Variants in TEX9 observed in about 807,000 individuals in gnomAD.
TEX9 encodes testis-expressed protein 9.
In TEX9, 74 loss-of-function variants were observed where a neutral mutation model predicts 59.6. The observed-to-expected ratio is 1.24, with a 90% CI of 1.03 to 1.51. The LOEUF (loss-of-function observed/expected upper bound fraction) is 1.51. TEX9 is among the 40% of genes most tolerant of loss of function. TEX9 has a pLI of 0.00. For synonymous variants in TEX9, 186 were observed against 152.2 expected, an observed-to-expected ratio of 1.22 and a Z score of -1.64; for missense variants, 522 against 447.8, an observed-to-expected ratio of 1.17 and a Z score of -1.49.
intron 1 of TEX9, among the ~76,000 whole-genome samples, chr15:56,260,232 C>A (rs969117716): frequency 2.6e-5 from 4 of 152,000 alleles, no homozygotes; most frequent in Non-Finnish European, 5.9e-5. Flanking sequence ...TTCTTTCATG[C>A]CTTGTGGCAC....
At position 56,316,472 on chromosome 15, in the gene TEX9, G is replaced by A. The variant is rs1187897857; in HGVS notation, c.-106-56969G>A. 2.0e-5 allele frequency among the ~76,000 whole-genome samples: 3 copies of A among 149,796 alleles called. No homozygotes were observed. In the Admixed American group the frequency reaches 2.0e-4, roughly 10 times the overall value. The stretch of plus-strand genomic sequence containing the variant: ...CCAGTTAGGCTGCTCGGGGGTCAGG[G>A]GTCAGGGACCCACTTGAGGAGGCAG... On this transcript the variant is annotated intron_variant, in intron 1 of 5. Coordinates refer to the TEX9 transcript ENST00000560827.
At chr15:56,350,390 A>G (rs962242678) in intron 1 of TEX9, among the ~76,000 whole-genome samples, 1 of 152,190 alleles carries the variant, frequency 6.6e-6, no homozygotes, top group Non-Finnish European at 1.5e-5. Flanking sequence ...CTGGATTCCT[A>G]TTAAGGATTC....
At chr15:56,447,036 CAA>C (rs75441720), downstream of TEX9, 50,611 of 819,696 alleles carry the variant, frequency 0.062, 5,224 homozygotes, top group East Asian at 0.4. Context: ...TTAATTTACT[CAA>C]AGAGGGAATA....
At chr15:56,363,081 G>T (rs1160776302), upstream of TEX9, among the ~76,000 whole-genome samples, 1 of 152,092 alleles carries the variant, frequency 6.6e-6, no homozygotes, top group African/African-American at 2.4e-5. Context: ...TTTCATGTGG[G>T]TGTGTTTTCA....
chr15:56,395,751 T>A (rs2048439430), intron 9 of TEX9: 1 of 152,238 alleles, frequency 6.6e-6, no homozygotes, highest in South Asian at 2.1e-4. Flanking sequence ...CATGTGCTTA[T>A]TGGCATTTGT....
intron 12 of TEX9, chr15:56,431,383 T>C (rs751782350): frequency 8.7e-6 from 14 of 1,611,718 alleles, no homozygotes; most frequent in Admixed American, 5.0e-5. Flanking sequence ...TTTAGGGAGA[T>C]AGCCTAGTAA....
chr15:56,343,644 A>G (rs1259548104), intron 1 of TEX9, among the ~76,000 whole-genome samples: 2 of 152,146 alleles, frequency 1.3e-5, no homozygotes, highest in Non-Finnish European at 2.9e-5. Flanking sequence ...TTTAGATGAA[A>G]TGAACTGACA....
At chr15:56,344,463 G>A (rs1337613613) in intron 1 of TEX9, among the ~76,000 whole-genome samples, 4 of 152,060 alleles carry the variant, frequency 2.6e-5, no homozygotes, top group Admixed American at 1.3e-4. Flanking sequence ...TCCAGAATAG[G>A]CAAATCCATA....
Position 56,425,029 on chromosome 15 carries a change from AG to A in TEX9, c.964-2574del, listed in dbSNP as rs577855550. Among the ~76,000 whole-genome samples the A allele has an allele frequency of 4.4e-3, 676 of 152,158 alleles. 5 individuals are homozygous for A. Among genetic ancestry groups the A allele is most frequent in the African/African-American group, 0.016 (654 of 41,512 alleles). ...ACTTTGCTGGATGTAGTATTCTTCTAGGTTTTTTTCTTTCAGCCCTTTAAAT... is the reference window on the plus strand; with the variant it reads ...ACTTTGCTGGATGTAGTATTCTTCTAGTTTTTTTCTTTCAGCCCTTTAAAT... On this transcript the variant is annotated intron_variant, in intron 10 of 12. Coordinates refer to ENST00000352903, the Ensembl canonical transcript of TEX9.
exon 4 of TEX9, chr15:56,383,958 C>A (rs748173177): frequency 6.2e-7 from 1 of 1,609,342 alleles, no homozygotes; most frequent in Non-Finnish European, 8.5e-7. Context: ...TAAGAGAGAT[C>A]GGCAAGAAGT....
At chr15:56,328,180 A>G (rs1291211139) in intron 1 of TEX9, among the ~76,000 whole-genome samples, 1 of 151,790 alleles carries the variant, frequency 6.6e-6, no homozygotes, top group East Asian at 2.0e-4. Flanking sequence ...GGGCAGAGTC[A>G]TGAGGTCCCA....
intron 10 of TEX9, among the ~76,000 whole-genome samples, chr15:56,426,607 A>ATG: frequency 2.5e-5 from 1 of 39,914 alleles, no homozygotes; most frequent in Non-Finnish European, 5.7e-5. Context: ...ATATATATAT[A>ATG]TATATATATA....
chr15:56,251,036 T>G (rs150557710), intron 1 of TEX9, among the ~76,000 whole-genome samples: 10 of 152,326 alleles, frequency 6.6e-5, no homozygotes, highest in African/African-American at 1.9e-4. Flanking sequence ...TGGATTTTCT[T>G]TATGTGGATC....
chr15:56,261,373 A>C (rs2141346910), intron 1 of TEX9, among the ~76,000 whole-genome samples: 1 of 152,060 alleles, frequency 6.6e-6, no homozygotes, highest in East Asian at 1.9e-4. Context: ...GAATTAAAAA[A>C]ATCCAATCAG....
intron 1 of TEX9, among the ~76,000 whole-genome samples, chr15:56,347,173 T>C (rs1250083728): frequency 6.6e-6 from 1 of 152,154 alleles, no homozygotes; most frequent in Non-Finnish European, 1.5e-5. Flanking sequence ...AATATACAGA[T>C]TTAATACAAT....
chr15:56,353,226 C>T (rs1464749219), intron 1 of TEX9, among the ~76,000 whole-genome samples: 1 of 152,092 alleles, frequency 6.6e-6, no homozygotes, highest in African/African-American at 2.4e-5. Flanking sequence ...AATTAATGTA[C>T]ATGCTATAGT....
intron 1 of TEX9, among the ~76,000 whole-genome samples, chr15:56,297,137 A>G (rs1307569270): frequency 2.6e-5 from 4 of 152,236 alleles, no homozygotes. Context: ...TAAAGAGAAC[A>G]GGGAATGGCA....
chr15:56,404,511 T>C (rs1332343806), intron 9 of TEX9, among the ~76,000 whole-genome samples: 6 of 152,190 alleles, frequency 3.9e-5, no homozygotes, highest in African/African-American at 1.4e-4. Flanking sequence ...TGTGGAGAAA[T>C]AGGAACTCTT....
exon 8 of TEX9, chr15:56,394,201 T>C (rs2142324505): frequency 6.2e-7 from 1 of 1,609,296 alleles, no homozygotes; most frequent in East Asian, 2.2e-5. Flanking sequence ...AAACTCCATG[T>C]TATGCAGGAG....
Sources: allele counts gnomAD v4.1 joint callset (sites outside exome capture counted in the v4.1 genomes callset), GRCh38; gene constraint gnomAD v4.1.1; transcripts MANE v1.5; gene names NCBI Gene and HGNC (gene_info 2026-07-23, HGNC 2026-07-21).